Variants in FBXO47 observed in about 807,000 individuals in gnomAD.
FBXO47 encodes F-box protein 47.
FBXO47 carries 34 observed loss-of-function variants against 53.9 expected under a neutral mutation model. That is an observed-to-expected ratio of 0.63 (90% CI 0.48 to 0.84). The LOEUF (loss-of-function observed/expected upper bound fraction) is 0.84, where lower values mean the gene tolerates loss of function less well. Ranked by LOEUF, FBXO47 falls within the 40% of genes least tolerant of loss-of-function variation. The pLI, the probability that FBXO47 is intolerant of heterozygous loss-of-function variation, is 0.00. For synonymous variants in FBXO47, 165 were observed against 181.6 expected, an observed-to-expected ratio of 0.91 and a Z score of 0.73; for missense variants, 485 against 541.3, an observed-to-expected ratio of 0.90 and a Z score of 1.03.
At chr17:38,944,750 A>G (rs1448384490) in intron 7 of FBXO47, among the ~76,000 whole-genome samples, 1 of 150,838 alleles carries the variant, frequency 6.6e-6, no homozygotes, top group Non-Finnish European at 1.5e-5. Context: ...ACGCACCTGC[A>G]GTCCCAGCTA....
chr17:38,943,792 T>G (rs1258496964), intron 7 of FBXO47, 56 bp from the exon 8 acceptor site: 77 of 1,504,446 alleles, frequency 5.1e-5, no homozygotes, highest in Non-Finnish European at 6.7e-5. Context: ...TGATAAAGAC[T>G]TGTTTAAAAA....
At chr17:38,958,566 T>C (rs1905669283) in intron 3 of FBXO47, among the ~76,000 whole-genome samples, 1 of 152,144 alleles carries the variant, frequency 6.6e-6, no homozygotes. Flanking sequence ...ACTTTAAACG[T>C]TCTATTTTCC....
In FBXO47 at chr17:38,964,899, C is replaced by T. The variant is rs140067492; in HGVS notation, c.-26-1848G>A. On this transcript the variant is annotated intron_variant, in intron 1 of 10. Coordinates refer to ENST00000378079, the MANE Select transcript of FBXO47 (RefSeq NM_001008777.3). ...ATGACGCGATCTCAGCTCACTGCAA[C>T]CTCCCCCTCCCAGGTTCAAGTGATT... Among the ~76,000 whole-genome samples the T allele has an allele frequency of 8.1e-3, 1,231 of 152,166 alleles. 21 individuals are homozygous for T. The highest frequency in any genetic ancestry group is 0.028 in the African/African-American group (1,146 of 41,510).
intron 5 of FBXO47, among the ~76,000 whole-genome samples, chr17:38,953,650 T>C (rs966064041): frequency 3.9e-5 from 6 of 151,914 alleles, no homozygotes; most frequent in Middle Eastern, 3.2e-3. Context: ...AATTAATTAA[T>C]AAAAACTAAT....
intron 5 of FBXO47, among the ~76,000 whole-genome samples, chr17:38,953,882 G>A (rs1229467890): frequency 1.3e-5 from 2 of 152,152 alleles, no homozygotes; most frequent in Non-Finnish European, 2.9e-5. Flanking sequence ...AAGACTAGTA[G>A]GAGGGCTTAG....
chr17:38,949,042 T>A (rs1330115587), intron 6 of FBXO47, among the ~76,000 whole-genome samples: 1 of 152,138 alleles, frequency 6.6e-6, no homozygotes, highest in Non-Finnish European at 1.5e-5. Flanking sequence ...GATGTAATAC[T>A]ACATTTTGTT....
At chr17:38,958,414 T>C (rs1487643052) in intron 3 of FBXO47, among the ~76,000 whole-genome samples, 3 of 151,998 alleles carry the variant, frequency 2.0e-5, no homozygotes, top group Non-Finnish European at 2.9e-5. Flanking sequence ...TAAGATATCC[T>C]TTTATGGGAC....
In FBXO47 at chr17:38,962,956, TTTGA is replaced by T; in HGVS notation, c.66_69del (p.Gln23ProfsTer31). On this transcript the variant is annotated frameshift_variant, in exon 2 of 11. Coordinates refer to ENST00000378079, the MANE Select transcript of FBXO47 (RefSeq NM_001008777.3). LOFTEE classifies it high-confidence loss of function. Reference sequence around the variant, plus strand: ...CCAAGGGTCTTGGAATAACAGCTGGTTTGACGATTACTACGTCTAAGTTTCTGGT... The same window carrying T: ...CCAAGGGTCTTGGAATAACAGCTGGTCGATTACTACGTCTAAGTTTCTGGT... 1 of 1,613,368 alleles carries T rather than the reference TTTGA, an allele frequency of 6.2e-7. No homozygotes were observed. Among genetic ancestry groups the T allele is most frequent in the Non-Finnish European group, 8.5e-7 (1 of 1,179,460 alleles).
intron 6 of FBXO47, 56 bp downstream of exon 6, chr17:38,951,525 T>A (rs578139998): frequency 1.5e-6 from 2 of 1,312,478 alleles, no homozygotes; most frequent in East Asian, 5.1e-5. Context: ...TTTAAAACTC[T>A]GTTTATTTTT....
chr17:38,943,845 T>C, intron 7 of FBXO47, 109 bp from the exon 8 acceptor site: 1 of 948,202 alleles, frequency 1.1e-6, no homozygotes. Context: ...TTATACAAGC[T>C]ACTTTCATTT....
chr17:38,948,673 A>G (rs1339183335), intron 6 of FBXO47, among the ~76,000 whole-genome samples: 1 of 151,992 alleles, frequency 6.6e-6, no homozygotes, highest in Non-Finnish European at 1.5e-5. Flanking sequence ...TCAGAGGTAC[A>G]TGTGCAAGAT....
chr17:38,963,042 C>G lies in FBXO47; in HGVS notation c.-17G>C. On this transcript the variant is annotated 5_prime_UTR_variant, in exon 2 of 11. Coordinates refer to ENST00000378079, the MANE Select transcript of FBXO47 (RefSeq NM_001008777.3). Reference sequence around the variant, plus strand: ...GGATGCCATTCTTCTTCTTGTCTCACAAATTTATCCTGGTCAGAAAAACAA... The same window carrying G: ...GGATGCCATTCTTCTTCTTGTCTCAGAAATTTATCCTGGTCAGAAAAACAA... 1 of 1,582,106 alleles carries G rather than the reference C, an allele frequency of 6.3e-7. No homozygotes were observed. Among genetic ancestry groups the G allele is most frequent in the Non-Finnish European group, 8.7e-7 (1 of 1,155,836 alleles).
chr17:38,946,317 TATATATAA>T (rs1361971293), intron 6 of FBXO47, among the ~76,000 whole-genome samples: 9 of 92,026 alleles, frequency 9.8e-5, no homozygotes, highest in South Asian at 3.5e-4. Context: ...AATATATAAA[TATATATAA>T]ATATATAAAT....
At chr17:38,948,619 A>T (rs1293581701) in intron 6 of FBXO47, among the ~76,000 whole-genome samples, 8 of 152,122 alleles carry the variant, frequency 5.3e-5, no homozygotes, top group Admixed American at 5.2e-4. Flanking sequence ...ATGTTGTAGC[A>T]TATATCAGCA....
At chr17:38,942,361 A>G (rs925570945) in intron 9 of FBXO47, among the ~76,000 whole-genome samples, 3 of 152,070 alleles carry the variant, frequency 2.0e-5, no homozygotes, top group Non-Finnish European at 4.4e-5. Context: ...TTGGGAGGCC[A>G]AGGCGGGCAG....
chr17:38,949,186 ACAG>A (rs1905079674), intron 6 of FBXO47, among the ~76,000 whole-genome samples: 1 of 151,938 alleles, frequency 6.6e-6, no homozygotes, highest in South Asian at 2.1e-4. Flanking sequence ...GGAGGCTGAG[ACAG>A]GCAGATCACT....
rs1567719883 is a variant in FBXO47 at position 38,953,168 on chromosome 17, A to ACAC, written c.508-1480_508-1479insGTG. 1.1e-3 allele frequency among the ~76,000 whole-genome samples: 124 copies of ACAC among 112,916 alleles called. 1 individual carries two copies. Among genetic ancestry groups the ACAC allele is most frequent in the African/African-American group, 4.9e-3 (118 of 24,126 alleles). The allele number at this position is 112,916 out of a possible 152,430, so 74.1% of individuals were successfully genotyped here. On this transcript the variant is annotated intron_variant, in intron 5 of 10. Transcript: ENST00000378079. The stretch of plus-strand genomic sequence containing the variant: ...ACACACACACACACACACACACACA[A>ACAC]AATAGCTAGGTGTGGTGGCAGGCCC...
In FBXO47 at chr17:38,957,157, A is replaced by G; in HGVS notation, c.429+20T>C. On this transcript the variant is annotated intron_variant, in intron 4 of 10. Coordinates refer to ENST00000378079, the MANE Select transcript of FBXO47 (RefSeq NM_001008777.3). Reference sequence around the variant, plus strand: ...TACTGGAAATCAAGATTGTAAACTAATTTAGAAGTATGATCTTACTTCTGT... The same window carrying G: ...TACTGGAAATCAAGATTGTAAACTAGTTTAGAAGTATGATCTTACTTCTGT... 1 of 1,478,414 alleles carries G rather than the reference A, an allele frequency of 6.8e-7. No individual in the cohort carries two copies. The highest frequency in any genetic ancestry group is 9.4e-7 in the Non-Finnish European group (1 of 1,059,532). 91.6% of individuals were successfully genotyped at this position (1,478,414 alleles called of 1,614,324 possible).
chr17:38,964,856 G>A lies in FBXO47; in HGVS notation c.-26-1805C>T, dbSNP rs938456132. ...TAGACAGATTATCGCTCTACTGCCC[G>A]GGCTGGAGTGCAGTGGCATGACGCG... On this transcript the variant is annotated intron_variant, in intron 1 of 10. Transcript: ENST00000378079. 9.2e-5 allele frequency among the ~76,000 whole-genome samples: 14 copies of A among 151,478 alleles called. 1 individual carries two copies. The South Asian group carries it at 2.5e-3, about 27-fold the overall frequency.
Sources: gnomAD v4.1 joint callset for allele counts (sites outside exome capture counted in the v4.1 genomes callset) on GRCh38, gnomAD v4.1.1 for gene constraint, MANE v1.5 for transcripts, NCBI Gene and HGNC (gene_info 2026-07-23, HGNC 2026-07-21) for gene names.